The following MACROD2 variants were observed in gnomAD, a reference collection of about 807,000 sequenced individuals.
The protein encoded by MACROD2 is ADP-ribose glycohydrolase MACROD2.
MACROD2 carries 36 observed loss-of-function variants against 70.4 expected under a neutral mutation model. That is an observed-to-expected ratio of 0.51 (90% confidence interval 0.39 to 0.68). MACROD2 has a LOEUF of 0.68. Ranked by LOEUF, MACROD2 falls within the 30% of genes least tolerant of loss-of-function variation. The probability of loss-of-function intolerance (pLI) is 0.00; values close to 1 mark genes in which losing one functional copy is unlikely to be tolerated. For missense variants in MACROD2, 496 were observed against 538.4 expected, an observed-to-expected ratio of 0.92 and a Z score of 0.78; for synonymous variants, 172 against 178.8, an observed-to-expected ratio of 0.96 and a Z score of 0.30.
At position 15,546,419 on chromosome 20, in the gene MACROD2, T is replaced by C. The variant is rs545705236; in HGVS notation, c.645+46572T>C. On this transcript the variant is annotated intron_variant, in intron 8 of 17. Transcript: ENST00000684519. Reference sequence around the variant, plus strand: ...AAGGATGAGAAAACAGTCTCAGAGCTCCATAGCTATTAAGTGATAGAATCT... The same window carrying C: ...AAGGATGAGAAAACAGTCTCAGAGCCCCATAGCTATTAAGTGATAGAATCT... 2.6e-5 allele frequency among the ~76,000 whole-genome samples: 4 copies of C among 152,262 alleles called. No individual in the cohort carries two copies. In the South Asian group the frequency reaches 8.3e-4, roughly 32 times the overall value.
At chr20:14,209,718 C>G (rs566997844) in intron 3 of MACROD2, among the ~76,000 whole-genome samples, 1 of 152,190 alleles carries the variant, frequency 6.6e-6, no homozygotes, top group East Asian at 1.9e-4. Flanking sequence ...GCATCCGAGC[C>G]AGACATAAGA....
chr20:14,383,975 C>T (rs2083446998), intron 3 of MACROD2, among the ~76,000 whole-genome samples: 1 of 152,038 alleles, frequency 6.6e-6, no homozygotes, highest in Non-Finnish European at 1.5e-5. Flanking sequence ...ATACAAATCT[C>T]TTATAATTTT....
chr20:15,487,310 C>T (rs1481363195), intron 7 of MACROD2, among the ~76,000 whole-genome samples: 2 of 152,190 alleles, frequency 1.3e-5, no homozygotes, highest in Non-Finnish European at 2.9e-5. Flanking sequence ...CTGCTCATGT[C>T]AGACTTGAAG....
chr20:15,084,513 C>T (rs1481165604), intron 5 of MACROD2, among the ~76,000 whole-genome samples: 1 of 152,098 alleles, frequency 6.6e-6, no homozygotes, highest in African/African-American at 2.4e-5. Flanking sequence ...TTTTGTAAGC[C>T]ACTGAAATGT....
chr20:15,732,586 CTTTTGAATGTTGAATCATTTGTGAATA>C (rs1185628144), intron 8 of MACROD2, among the ~76,000 whole-genome samples: 2 of 152,118 alleles, frequency 1.3e-5, no homozygotes, highest in South Asian at 2.1e-4. Context: ...GAATAATTTA[CTTTTGAATGTTGAATCATTTGTGAATA>C]TTTTGAATGT....
intron 3 of MACROD2, among the ~76,000 whole-genome samples, chr20:14,405,190 T>C (rs79931022): frequency 0.018 from 2,719 of 152,216 alleles, 91 homozygotes; most frequent in African/African-American, 0.062. Context: ...AAGCTAAAAA[T>C]AATTTTAGTA....
At chr20:15,260,934 G>T (rs1011418130) in intron 6 of MACROD2, among the ~76,000 whole-genome samples, 24 of 151,878 alleles carry the variant, frequency 1.6e-4, no homozygotes, top group African/African-American at 5.6e-4. Flanking sequence ...TACTAATTGG[G>T]CTTTGCCAGT....
In MACROD2 at chr20:15,581,568, G is replaced by A. The variant is rs369479539; in HGVS notation, c.645+81721G>A. Among the ~76,000 whole-genome samples, 6 of 152,278 alleles carry A rather than the reference G, an allele frequency of 3.9e-5. No homozygotes were observed. The South Asian group carries it at 6.2e-4, about 16-fold the overall frequency. The stretch of plus-strand genomic sequence containing the variant: ...AGGTGTGAAAAGAGGTCTCTAAGGC[G>A]TTATGGAGGCAGTAATTGCAGGAAA... On this transcript the variant is annotated intron_variant, in intron 8 of 17. Transcript: ENST00000684519.
intron 2 of MACROD2, among the ~76,000 whole-genome samples, chr20:14,070,038 G>A (rs1166167494): frequency 2.0e-5 from 3 of 151,966 alleles, no homozygotes; most frequent in African/African-American, 7.2e-5. Context: ...TCTAGCCTTA[G>A]TCACCCCACC....
At chr20:14,210,765 C>T (rs2081564244) in intron 3 of MACROD2, among the ~76,000 whole-genome samples, 1 of 151,894 alleles carries the variant, frequency 6.6e-6, no homozygotes, top group East Asian at 1.9e-4. Flanking sequence ...TAACCTGTGC[C>T]CAATAAGAGT....
chr20:15,780,115 T>C (rs370606878), intron 8 of MACROD2, among the ~76,000 whole-genome samples: 6 of 152,108 alleles, frequency 3.9e-5, no homozygotes, highest in African/African-American at 1.4e-4. Flanking sequence ...GATACTTAAA[T>C]TCCACTGTAA....
intron 2 of MACROD2, among the ~76,000 whole-genome samples, chr20:14,039,311 G>A (rs1429860330): frequency 6.6e-6 from 1 of 152,050 alleles, no homozygotes; most frequent in Non-Finnish European, 1.5e-5. Context: ...GAAGTAAATT[G>A]GTATCTTGGA....
chr20:15,038,224 A>C (rs1479397510), intron 5 of MACROD2, among the ~76,000 whole-genome samples: 1 of 152,226 alleles, frequency 6.6e-6, no homozygotes, highest in Admixed American at 6.5e-5. Flanking sequence ...TCGAAAATAG[A>C]AATTATAAGA....
chr20:15,878,480 G>C (rs1416820244), intron 9 of MACROD2, among the ~76,000 whole-genome samples: 1 of 152,098 alleles, frequency 6.6e-6, no homozygotes, highest in African/African-American at 2.4e-5. Context: ...GATGATAGTG[G>C]TGCTGCTGGT....
chr20:15,407,455 T>G (rs1304757078), intron 6 of MACROD2, among the ~76,000 whole-genome samples: 2 of 152,208 alleles, frequency 1.3e-5, no homozygotes, highest in African/African-American at 4.8e-5. Flanking sequence ...AATAAGATAC[T>G]TTTTCCAAAA....
At chr20:15,225,758 G>A (rs937445862) in intron 5 of MACROD2, among the ~76,000 whole-genome samples, 2 of 152,072 alleles carry the variant, frequency 1.3e-5, no homozygotes, top group African/African-American at 4.8e-5. Context: ...TACTAACATT[G>A]TTTAGTCTGT....
intron 6 of MACROD2, among the ~76,000 whole-genome samples, chr20:15,366,123 A>G (rs1383702495): frequency 2.0e-5 from 3 of 152,220 alleles, no homozygotes; most frequent in African/African-American, 7.2e-5. Context: ...AATTTCAGCC[A>G]TCTCTGGAAC....
intron 6 of MACROD2, among the ~76,000 whole-genome samples, chr20:15,411,648 T>G (rs1017522939): frequency 6.6e-6 from 1 of 152,272 alleles, no homozygotes; most frequent in Admixed American, 6.5e-5. Flanking sequence ...ATTATTTAGC[T>G]AGTACATAAT....
At chr20:15,614,831 C>T (rs2049016194) in intron 8 of MACROD2, among the ~76,000 whole-genome samples, 1 of 151,908 alleles carries the variant, frequency 6.6e-6, no homozygotes, top group Non-Finnish European at 1.5e-5. Context: ...AGATCTCTGC[C>T]AAACTAATAT....
Sources: gnomAD v4.1 joint callset for allele counts (sites outside exome capture counted in the v4.1 genomes callset) on GRCh38, gnomAD v4.1.1 for gene constraint, MANE v1.5 for transcripts, NCBI Gene and HGNC (gene_info 2026-07-23, HGNC 2026-07-21) for gene names.